RWDD2B: variants seen among roughly 807,000 people sequenced by gnomAD.
RWDD2B encodes the protein RWD domain containing 2B.
RWDD2B carries 36 observed loss-of-function variants against 33.6 expected under a neutral mutation model. The ratio of observed to expected loss-of-function variants is 1.07; its 90% CI spans 0.82 to 1.42. RWDD2B has a LOEUF of 1.42. Among genes scored for constraint, RWDD2B ranks in the 40% most tolerant of loss-of-function variants. The pLI, the probability that RWDD2B is intolerant of heterozygous loss-of-function variation, is 0.00. For synonymous variants in RWDD2B, 126 were observed against 133.1 expected, an observed-to-expected ratio of 0.95 and a Z score of 0.37; for missense variants, 364 against 377.5, an observed-to-expected ratio of 0.96 and a Z score of 0.30.
intron 1 of RWDD2B, among the ~76,000 whole-genome samples, chr21:29,015,719 A>C (rs1321095639): frequency 6.7e-6 from 1 of 149,432 alleles, no homozygotes; most frequent in Non-Finnish European, 1.5e-5. Context: ...TTAGTAGAGA[A>C]AGGGTTTTAT....
intron 1 of RWDD2B, among the ~76,000 whole-genome samples, chr21:29,011,992 G>C (rs1347138169): frequency 7.4e-6 from 1 of 135,866 alleles, no homozygotes; most frequent in Non-Finnish European, 1.6e-5. Flanking sequence ...AGGGAGGTGG[G>C]GGGGTCAGCC....
At position 29,004,634 on chromosome 21, in the gene RWDD2B, GCTGT is replaced by G. The variant is rs1475295469; in HGVS notation, c.*1779_*1782del. 1 of 152,268 alleles carries G rather than the reference GCTGT, an allele frequency of 6.6e-6. No homozygotes were observed. The highest frequency in any genetic ancestry group is 1.5e-5 in the Non-Finnish European group (1 of 68,082). The allele number at this position is 152,268 out of a possible 1,614,324, so 9.4% of individuals were successfully genotyped here. On this transcript the variant is annotated 3_prime_UTR_variant, in exon 5 of 5. Transcript: ENST00000493196. ...ACTAGACACACAACTGGTCCACCTG[GCTGT>G]CTGGTGGCAGCAGAGGAACTGGGAT...
chr21:29,007,850 C>T lies in RWDD2B; in HGVS notation c.636G>A (p.Glu212=), dbSNP rs748413172. Residue 212 remains glutamate, a synonymous_variant, in exon 4 of 5, where the codon GAG becomes GAA. Transcript: ENST00000493196. ...KRKNILEWAK[E]LSLSGFSMPG... ...GCATGCTAAACCCAGACAGGGAAAGCTCCTTTGCCCACTCTAGAATATTCT... is the reference window on the plus strand; with the variant it reads ...GCATGCTAAACCCAGACAGGGAAAGTTCCTTTGCCCACTCTAGAATATTCT... The T allele has an allele frequency of 1.2e-6, 2 of 1,614,226 alleles. No homozygotes were observed. The highest frequency in any genetic ancestry group is 1.3e-5 in the African/African-American group (1 of 75,058).
intron 4 of RWDD2B, 48 bp from the exon 5 acceptor site, chr21:29,006,699 A>G (rs1601018505): frequency 1.8e-6 from 2 of 1,108,826 alleles, no homozygotes. Flanking sequence ...TATATTCTAG[A>G]GCATTTAAAA....
intron 1 of RWDD2B, among the ~76,000 whole-genome samples, chr21:29,011,737 G>A (rs1601021951): frequency 4.5e-5 from 6 of 132,886 alleles, no homozygotes; most frequent in Non-Finnish European, 6.6e-5. Context: ...CCCTCTGCCC[G>A]GCCAGCCGCC....
At position 29,006,336 on chromosome 21, in the gene RWDD2B, ATTAC is replaced by A; in HGVS notation, c.*77_*80del. On this transcript the variant is annotated 3_prime_UTR_variant, in exon 5 of 5. Transcript: ENST00000493196. ...CATTCTAGAATGGAACTAAAATAAAATTACTTAATCTTTCAAGAAAAAGTGGGAA... is the reference window on the plus strand; with the variant it reads ...CATTCTAGAATGGAACTAAAATAAAATTAATCTTTCAAGAAAAAGTGGGAA... 1.1e-6 allele frequency: 1 copy of A among 891,062 alleles called. No homozygotes were observed. 55.2% of individuals were successfully genotyped at this position (891,062 alleles called of 1,614,324 possible).
rs1339366454 is a variant in RWDD2B, at chr21:29,007,919, T to C, written c.567A>G (p.Arg189=). 1 of 1,614,132 alleles carries C rather than the reference T, an allele frequency of 6.2e-7. No individual in the cohort carries two copies. The highest frequency in any genetic ancestry group is 8.5e-7 in the Non-Finnish European group (1 of 1,180,026). ...TVQSVDLIFT[R]LWIYSHHIYN... ...AGATATGATGGCTGTAGATCCAGAGTCTCGTGAAGATGAGGTCAACTGACT... is the reference window on the plus strand; with the variant it reads ...AGATATGATGGCTGTAGATCCAGAGCCTCGTGAAGATGAGGTCAACTGACT... The change falls in exon 4 of 5, where the codon AGA becomes AGG. Residue 189 remains arginine, a synonymous_variant. Transcript: ENST00000493196.
chr21:29,011,955 C>T (rs1342931973), intron 1 of RWDD2B, among the ~76,000 whole-genome samples: 3 of 122,584 alleles, frequency 2.4e-5, no homozygotes, highest in East Asian at 5.0e-4. Context: ...GGGTCAGCCC[C>T]CGACCCGGCC....
rs1028019297 is a variant in RWDD2B, at chr21:29,007,903, G to A, written c.583C>T (p.His195Tyr). ...LIFTRLWIYSHHIYNKCKRKN... is the reference protein window; with the variant it reads ...LIFTRLWIYSYHIYNKCKRKN... ...CTTTTGCATTTGTTATAGATATGAT[G>A]GCTGTAGATCCAGAGTCTCGTGAAG... is the stretch of plus-strand genomic sequence containing the variant. The change falls in exon 4 of 5, where the codon CAT (histidine) becomes TAT (tyrosine). Residue 195 changes from histidine (H) to tyrosine (Y), a missense_variant. By Grantham distance (83) the His-to-Tyr change is moderately conservative. Coordinates refer to ENST00000493196, the MANE Select transcript of RWDD2B (RefSeq NM_016940.3). 3.1e-6 allele frequency: 5 copies of A among 1,614,100 alleles called. No individual in the cohort carries two copies. The African/African-American group carries it at 6.7e-5, about 22-fold the overall frequency.
rs758103455 is a variant in RWDD2B, at chr21:29,019,198, A to G, written c.67+13T>C. 1.4e-5 allele frequency: 23 copies of G among 1,590,600 alleles called. No homozygotes were observed. The highest frequency in any genetic ancestry group is 6.0e-6 in the Non-Finnish European group (7 of 1,169,054). ...TGGCGGTCACCACTGGCGCTAGCTG[A>G]GGCGAGACTCACCTTGAGCCGTGGC... is the stretch of plus-strand genomic sequence containing the variant. On this transcript the variant is annotated intron_variant, in intron 1 of 4. Coordinates refer to ENST00000493196, the MANE Select transcript of RWDD2B (RefSeq NM_016940.3).
intron 1 of RWDD2B, among the ~76,000 whole-genome samples, chr21:29,011,536 TG>T (rs574406713): frequency 0.16 from 19,573 of 124,502 alleles, 1,733 homozygotes; most frequent in African/African-American, 0.25. Context: ...GGAAGGGAGG[TG>T]GGGGGGGGTC....
At chr21:29,017,522 G>A (rs1197163275) in intron 1 of RWDD2B, among the ~76,000 whole-genome samples, 1 of 152,040 alleles carries the variant, frequency 6.6e-6, no homozygotes, top group Non-Finnish European at 1.5e-5. Context: ...TGAGGCAGGA[G>A]AATCGCTTGA....
Position 29,006,201 on chromosome 21 carries a change from C to A in RWDD2B, c.*216G>T. The A allele has an allele frequency of 2.4e-6, 1 of 412,964 alleles. No individual in the cohort carries two copies. The highest frequency in any genetic ancestry group is 5.3e-5 in the South Asian group (1 of 19,030). The allele number at this position is 412,964 out of a possible 1,614,324, so 25.6% of individuals were successfully genotyped here. A position where few individuals can be genotyped will look rare whatever the true frequency, so the allele number is the denominator to read the frequency against. Reference sequence around the variant, plus strand: ...GGGCAGCTGATATGTGAAGAAATATCTAACAACAATTTTAAGGTTGTAATT... The same window carrying A: ...GGGCAGCTGATATGTGAAGAAATATATAACAACAATTTTAAGGTTGTAATT... On this transcript the variant is annotated 3_prime_UTR_variant, in exon 5 of 5. Transcript: ENST00000493196.
intron 1 of RWDD2B, among the ~76,000 whole-genome samples, chr21:29,011,856 C>G (rs1446460391): frequency 1.5e-5 from 2 of 129,374 alleles, no homozygotes; most frequent in Non-Finnish European, 3.4e-5. Flanking sequence ...TGAGGAGCCC[C>G]TCTGCCCGGC....
chr21:29,016,144 A>G (rs746658222), intron 1 of RWDD2B, among the ~76,000 whole-genome samples: 12 of 152,188 alleles, frequency 7.9e-5, no homozygotes, highest in African/African-American at 2.7e-4. Context: ...ATTAACATAT[A>G]TTTATTAATA....
Position 29,006,242 on chromosome 21 carries a change from C to A in RWDD2B, c.*175G>T, listed in dbSNP as rs2084827775. 2 of 493,348 alleles carry A rather than the reference C, an allele frequency of 4.1e-6. No individual in the cohort carries two copies. The highest frequency in any genetic ancestry group is 7.7e-5 in the Admixed American group (2 of 25,998). 30.6% of individuals were successfully genotyped at this position (493,348 alleles called of 1,614,324 possible). A position where few individuals can be genotyped will look rare whatever the true frequency, so the allele number is the denominator to read the frequency against. On this transcript the variant is annotated 3_prime_UTR_variant, in exon 5 of 5. Transcript: ENST00000493196. ...GGTTGTAATTTGAAACTCAGTTCTG[C>A]TTTCAATCATGACATTTTTAACAGA...
intron 1 of RWDD2B, among the ~76,000 whole-genome samples, chr21:29,010,791 C>T (rs1365127081): frequency 6.6e-6 from 1 of 151,420 alleles, no homozygotes. Context: ...CCTCAGCCTG[C>T]CGAGTGCCTG....
At chr21:29,009,114 G>A (rs1342942579) in intron 1 of RWDD2B, among the ~76,000 whole-genome samples, 1 of 152,102 alleles carries the variant, frequency 6.6e-6, no homozygotes, top group Non-Finnish European at 1.5e-5. Context: ...TTGAGACAGG[G>A]TCTAGCTCTG....
chr21:29,019,221 G>T lies in RWDD2B; in HGVS notation c.57C>A (p.Ala19=). The T allele has an allele frequency of 6.2e-7, 1 of 1,601,644 alleles. No homozygotes were observed. The highest frequency in any genetic ancestry group is 1.3e-5 in the African/African-American group (1 of 74,954). ...PWNPGYSSEG[A]TAQETYTCPK... ...TGAGGCGAGACTCACCTTGAGCCGT[G>T]GCCCCCTCACTGCTGTAACCCGGGT... is the stretch of plus-strand genomic sequence containing the variant. The change falls in exon 1 of 5, where the codon GCC becomes GCA. Residue 19 remains alanine, a synonymous_variant. Transcript: ENST00000493196.
Sources: allele counts gnomAD v4.1 joint callset (sites outside exome capture counted in the v4.1 genomes callset), GRCh38; gene constraint gnomAD v4.1.1; transcripts MANE v1.5; gene names NCBI Gene and HGNC (gene_info 2026-07-23, HGNC 2026-07-21).